The following METTL8 variants were observed in gnomAD, a reference collection of about 807,000 sequenced individuals.
METTL8 encodes methyltransferase 8, tRNA N3-cytidine.
Under a neutral mutation model 48.7 loss-of-function variants are expected in METTL8, and 32 were observed. The ratio of observed to expected loss-of-function variants is 0.66; its 90% CI spans 0.50 to 0.88. The LOEUF (loss-of-function observed/expected upper bound fraction) is 0.88. Among genes scored for constraint, METTL8 ranks in the 40% least tolerant of loss-of-function variants. METTL8 has a pLI of 0.00. For synonymous variants in METTL8, 136 were observed against 157.1 expected, an observed-to-expected ratio of 0.87 and a Z score of 1.01; for missense variants, 464 against 474.4, an observed-to-expected ratio of 0.98 and a Z score of 0.20.
intron 9 of METTL8, 38 bp downstream of exon 9, chr2:171,325,803 G>T: frequency 1.6e-6 from 2 of 1,250,002 alleles, no homozygotes; most frequent in East Asian, 2.4e-5. Flanking sequence ...TAACAAGAAC[G>T]ATTATGACCA....
At chr2:171,377,946 C>T (rs1441831395) in intron 2 of METTL8, among the ~76,000 whole-genome samples, 3 of 152,076 alleles carry the variant, frequency 2.0e-5, no homozygotes, top group South Asian at 4.2e-4. Flanking sequence ...AAAACACATG[C>T]ACATGCATGT....
rs1686483387 is a variant in METTL8 at position 171,339,525 on chromosome 2, A to C, written c.265T>G (p.Trp89Gly). The C allele has an allele frequency of 6.3e-7, 1 of 1,576,102 alleles. No individual in the cohort carries two copies. The highest frequency in any genetic ancestry group is 8.7e-7 in the Non-Finnish European group (1 of 1,150,686). The change falls in exon 4 of 10, where the codon TGG becomes GGG. Residue 89 changes from tryptophan (W) to glycine (G), a missense_variant. Physicochemically the swap from Trp to Gly is radical, Grantham distance 184. Transcript: ENST00000375258. ...VKYEREASKY[W>G]DTFYKIHKNK... is the part of the protein sequence containing the mutation. The stretch of plus-strand genomic sequence containing the variant: ...TTATGAATCTTGTAAAATGTGTCCC[A>C]GTATTTACTAGCTTCTCTCTCATAC...
chr2:171,372,297 T>A (rs887097805), intron 2 of METTL8, among the ~76,000 whole-genome samples: 10 of 151,944 alleles, frequency 6.6e-5, no homozygotes, highest in African/African-American at 1.2e-4. Flanking sequence ...CATTTTTTTT[T>A]TAAATTAAAA....
At chr2:171,423,637 C>T (rs1487175594) in intron 1 of METTL8, among the ~76,000 whole-genome samples, 1 of 152,128 alleles carries the variant, frequency 6.6e-6, no homozygotes, top group Non-Finnish European at 1.5e-5. Context: ...GGCATTTTGT[C>T]CCTGCCCTAG....
chr2:171,403,134 T>A (rs965961654), intron 1 of METTL8, among the ~76,000 whole-genome samples: 3 of 152,104 alleles, frequency 2.0e-5, no homozygotes, highest in African/African-American at 7.2e-5. Context: ...CCTCATTAAG[T>A]GTGGGCAGCA....
intron 1 of METTL8, among the ~76,000 whole-genome samples, chr2:171,418,394 C>T (rs1419640349): frequency 6.6e-6 from 1 of 152,086 alleles, no homozygotes; most frequent in Non-Finnish European, 1.5e-5. Flanking sequence ...ACATAGTGTA[C>T]TCTTTGGAAG....
chr2:171,360,872 C>T (rs182731001), intron 2 of METTL8, among the ~76,000 whole-genome samples: 4 of 152,298 alleles, frequency 2.6e-5, no homozygotes, highest in African/African-American at 9.6e-5. Flanking sequence ...ATGAACAGAA[C>T]ATTCTTCAGT....
intron 1 of METTL8, among the ~76,000 whole-genome samples, chr2:171,400,540 G>A (rs1219896772): frequency 6.6e-6 from 1 of 152,102 alleles, no homozygotes; most frequent in East Asian, 1.9e-4. Context: ...CCAGATTTAG[G>A]AAAGCACAGT....
At position 171,320,357 on chromosome 2, in the gene METTL8, G is replaced by A. The variant is rs893108018; in HGVS notation, c.*3815C>T. 1 of 152,198 alleles carries A rather than the reference G, an allele frequency of 6.6e-6. No homozygotes were observed. The highest frequency in any genetic ancestry group is 2.4e-5 in the African/African-American group (1 of 41,432). 9.4% of individuals were successfully genotyped at this position (152,198 alleles called of 1,614,324 possible). A position where few individuals can be genotyped will look rare whatever the true frequency, so the allele number is the denominator to read the frequency against. ...CAAATTTGGTTGATGTATTTTTGAA[G>A]CTTCTAAAGGTTAACTCACATGCTG... On this transcript the variant is annotated 3_prime_UTR_variant, in exon 10 of 10. Transcript: ENST00000375258.
At chr2:171,352,767 C>T (rs1373689387) in intron 3 of METTL8, among the ~76,000 whole-genome samples, 1 of 152,102 alleles carries the variant, frequency 6.6e-6, no homozygotes, top group East Asian at 1.9e-4. Flanking sequence ...GAGGTGTTTA[C>T]AGTATACTCT....
At chr2:171,371,771 A>G (rs569318249) in intron 2 of METTL8, among the ~76,000 whole-genome samples, 10 of 152,188 alleles carry the variant, frequency 6.6e-5, no homozygotes, top group Non-Finnish European at 1.2e-4. Flanking sequence ...AGCTAGGACT[A>G]TAAGTGCATA....
At chr2:171,397,463 AG>A (rs1689208794) in intron 1 of METTL8, among the ~76,000 whole-genome samples, 1 of 144,202 alleles carries the variant, frequency 6.9e-6, no homozygotes, top group Non-Finnish European at 1.5e-5. Context: ...CCAACGAGGG[AG>A]GATCACTTGA....
chr2:171,328,010 G>T (rs1685129001), intron 7 of METTL8, among the ~76,000 whole-genome samples: 1 of 152,124 alleles, frequency 6.6e-6, no homozygotes, highest in Non-Finnish European at 1.5e-5. Flanking sequence ...TAATGTCTGG[G>T]GTTGAGGATA....
intron 2 of METTL8, among the ~76,000 whole-genome samples, chr2:171,389,845 T>C (rs867932238): frequency 2.0e-5 from 3 of 152,124 alleles, no homozygotes; most frequent in South Asian, 2.1e-4. Context: ...TAGCATCGAG[T>C]TATCCAGAAG....
chr2:171,331,479 C>T (rs1019962686), intron 6 of METTL8, among the ~76,000 whole-genome samples: 5 of 150,882 alleles, frequency 3.3e-5, no homozygotes, highest in Middle Eastern at 3.5e-3. Context: ...TGCTGTGGCA[C>T]GATCTTGGCA....
At chr2:171,396,043 G>C (rs923689937) in intron 1 of METTL8, among the ~76,000 whole-genome samples, 1 of 152,028 alleles carries the variant, frequency 6.6e-6, no homozygotes, top group Non-Finnish European at 1.5e-5. Context: ...AGTCCGAGGC[G>C]GGCAGATCAC....
chr2:171,345,535 T>C (rs1447244095), intron 3 of METTL8, among the ~76,000 whole-genome samples: 2 of 152,208 alleles, frequency 1.3e-5, no homozygotes, highest in African/African-American at 4.8e-5. Context: ...CTGCATAAAA[T>C]TTTAAACAAG....
Position 171,370,453 on chromosome 2 carries a change from A to G in METTL8, c.144-9940T>C, listed in dbSNP as rs190579967. ...ATGTATGGCAGTGGAAAATCATTTA[A>G]ATTTTTTCTCTCTCCTTTGGTTTTT... On this transcript the variant is annotated intron_variant, in intron 2 of 9. Coordinates refer to ENST00000375258, the MANE Select transcript of METTL8 (RefSeq NM_001321154.2). Among the ~76,000 whole-genome samples, 40 of 152,272 alleles carry G rather than the reference A, an allele frequency of 2.6e-4. 1 individual carries two copies. The East Asian group carries it at 7.5e-3, about 29-fold the overall frequency.
At chr2:171,391,297 A>G (rs1261491861) in intron 2 of METTL8, among the ~76,000 whole-genome samples, 1 of 152,206 alleles carries the variant, frequency 6.6e-6, no homozygotes, top group African/African-American at 2.4e-5. Context: ...TGTAAACATA[A>G]CTTTTATATG....
Sources: gnomAD v4.1 joint callset for allele counts (sites outside exome capture counted in the v4.1 genomes callset) on GRCh38, gnomAD v4.1.1 for gene constraint, MANE v1.5 for transcripts, NCBI Gene and HGNC (gene_info 2026-07-23, HGNC 2026-07-21) for gene names.